NEBL: variants seen among roughly 807,000 people sequenced by gnomAD.
NEBL encodes the protein nebulette, also known as LIM and SH3 protein 2.
A neutral mutation model predicts 140.2 loss-of-function variants in NEBL; 122 were observed. The observed-to-expected ratio is 0.87, with a 90% CI of 0.75 to 1.01. The LOEUF is 1.01. NEBL is among the 50% of genes least tolerant of loss of function. The probability of loss-of-function intolerance (pLI) is 0.00; values close to 1 mark genes in which losing one functional copy is unlikely to be tolerated. For missense variants in NEBL, 1,365 were observed against 1,231.3 expected (o/e 1.11, Z -1.62); for synonymous variants, 436 against 398.9 (o/e 1.09, Z -1.11).
intron 26 of NEBL, among the ~76,000 whole-genome samples, chr10:20,795,458 CAAATA>C (rs1836414203): frequency 6.6e-6 from 1 of 152,098 alleles, no homozygotes; most frequent in South Asian, 2.1e-4. Context: ...AAAGCAAACT[CAAATA>C]AAGTAGCATC....
intron 3 of NEBL, among the ~76,000 whole-genome samples, chr10:21,185,364 A>T (rs1841447883): frequency 6.6e-6 from 1 of 151,470 alleles, no homozygotes; most frequent in South Asian, 2.1e-4. Flanking sequence ...CATTTCTGGA[A>T]CTCCTGGGGG....
At chr10:21,030,555 C>A in intron 2 of NEBL, 1 of 749,410 alleles carries the variant, frequency 1.3e-6, no homozygotes, top group Non-Finnish European at 2.3e-6. Flanking sequence ...CATCTCAGAG[C>A]TCAGACACAC....
At chr10:20,980,824 T>C (rs1049039218) in intron 3 of NEBL, among the ~76,000 whole-genome samples, 5 of 152,260 alleles carry the variant, frequency 3.3e-5, no homozygotes, top group African/African-American at 1.2e-4. Flanking sequence ...TGAATCATCT[T>C]ATAAACAAAG....
chr10:20,850,258 C>A, intron 11 of NEBL, 137 bp downstream of exon 11: 1 of 699,678 alleles, frequency 1.4e-6, no homozygotes, highest in East Asian at 2.7e-5. Flanking sequence ...CAGTGGGTGG[C>A]TGGGTCTAGA....
At chr10:21,165,604 C>A (rs1016803907) in intron 2 of NEBL, among the ~76,000 whole-genome samples, 3 of 152,222 alleles carry the variant, frequency 2.0e-5, no homozygotes, top group African/African-American at 7.2e-5. Flanking sequence ...TCATCTACGG[C>A]CATACCACCC....
At chr10:20,909,034 G>A (rs943911215) in intron 4 of NEBL, among the ~76,000 whole-genome samples, 1 of 151,746 alleles carries the variant, frequency 6.6e-6, no homozygotes, top group African/African-American at 2.4e-5. Context: ...TACACAGTAG[G>A]TATATATATT....
chr10:20,831,477 C>T lies in NEBL; in HGVS notation c.1556G>A (p.Ser519Asn), dbSNP rs778105552. The T allele has an allele frequency of 6.2e-7, 1 of 1,603,922 alleles. No homozygotes were observed. Among genetic ancestry groups the T allele is most frequent in the African/African-American group, 1.3e-5 (1 of 74,362 alleles). Residue 519 changes from serine (S) to asparagine (N), a missense_variant, in exon 15 of 28, where the codon AGC becomes AAC. By Grantham distance (46) the Ser-to-Asn change is conservative. Coordinates refer to ENST00000377122, the MANE Select transcript of NEBL (RefSeq NM_006393.3). Reference sequence around the variant, plus strand: ...TGTATCTTGCTGCTGTCTTACCTGGCTGGCCATCTCGGATGCTTTCTTAGC... The same window carrying T: ...TGTATCTTGCTGCTGTCTTACCTGGTTGGCCATCTCGGATGCTTTCTTAGC... ...QRAKKASEMA[S>N]QKQYKKDLEN...
chr10:21,080,754 T>C (rs1190603439), intron 2 of NEBL, among the ~76,000 whole-genome samples: 1 of 152,344 alleles, frequency 6.6e-6, no homozygotes, highest in Middle Eastern at 3.4e-3. Context: ...GCAACTTTGA[T>C]GGAATGATTA....
chr10:20,939,863 T>C (rs1267200817), intron 4 of NEBL, among the ~76,000 whole-genome samples: 1 of 152,092 alleles, frequency 6.6e-6, no homozygotes, highest in Non-Finnish European at 1.5e-5. Flanking sequence ...GGTAAAGGGA[T>C]CAATTCAACA....
At chr10:21,082,535 T>TAAGAAAAA (rs1836420773) in intron 2 of NEBL, among the ~76,000 whole-genome samples, 1 of 117,306 alleles carries the variant, frequency 8.5e-6, no homozygotes, top group Non-Finnish European at 1.7e-5. Context: ...CCACCACCAC[T>TAAGAAAAA]AAAAAAAAAA....
At chr10:20,853,946 A>G (rs1431127979) in intron 9 of NEBL, among the ~76,000 whole-genome samples, 1 of 152,250 alleles carries the variant, frequency 6.6e-6, no homozygotes, top group African/African-American at 2.4e-5. Context: ...TACCTCAATT[A>G]TCCTAATTTG....
At chr10:21,194,825 C>G (rs1841624599) in intron 3 of NEBL, among the ~76,000 whole-genome samples, 1 of 151,982 alleles carries the variant, frequency 6.6e-6, no homozygotes, top group South Asian at 2.1e-4. Flanking sequence ...ACCCCCACCC[C>G]CTGCCGCAAA....
chr10:20,962,224 C>T lies in NEBL; in HGVS notation c.250-445G>A, dbSNP rs184232415. Among the ~76,000 whole-genome samples the T allele has an allele frequency of 9.2e-5, 14 of 152,258 alleles. No individual in the cohort carries two copies. The East Asian group carries it at 2.3e-3, about 25-fold the overall frequency. ...CTAAATCTTCTTCTCCTCCTGTGCC[C>T]GCCTGTCAGTGAAAAAGCCTCATTT... On this transcript the variant is annotated intron_variant, in intron 3 of 6. Coordinates refer to the NEBL transcript ENST00000417816.
intron 3 of NEBL, among the ~76,000 whole-genome samples, chr10:20,982,034 TC>T (rs1790494625): frequency 6.6e-6 from 1 of 152,224 alleles, no homozygotes; most frequent in South Asian, 2.1e-4. Flanking sequence ...TTTAGAGTCT[TC>T]CAGATTACAT....
chr10:21,285,898 C>T (rs1425815122), intron 1 of NEBL, among the ~76,000 whole-genome samples: 2 of 152,224 alleles, frequency 1.3e-5, no homozygotes, highest in Non-Finnish European at 2.9e-5. Context: ...CCCCGGACCC[C>T]ACACCCTGTG....
intron 2 of NEBL, among the ~76,000 whole-genome samples, chr10:21,056,960 G>A (rs1543829): frequency 0.39 from 59,665 of 151,814 alleles, 11,806 homozygotes; most frequent in Middle Eastern, 0.47. Flanking sequence ...TCTTTAAACT[G>A]TGCATTCAAT....
chr10:20,824,563 A>T (rs1049957055), intron 18 of NEBL, among the ~76,000 whole-genome samples: 2 of 152,230 alleles, frequency 1.3e-5, no homozygotes, highest in African/African-American at 4.8e-5. Context: ...ATGTTAGAGA[A>T]TCATATCTTG....
At chr10:20,797,704 G>A (rs764158291) in intron 26 of NEBL, among the ~76,000 whole-genome samples, 3 of 152,136 alleles carry the variant, frequency 2.0e-5, no homozygotes, top group Non-Finnish European at 4.4e-5. Flanking sequence ...GCACACAATC[G>A]TAAGGATAGT....
intron 3 of NEBL, among the ~76,000 whole-genome samples, chr10:21,245,713 T>C (rs1014548574): frequency 6.6e-6 from 1 of 151,914 alleles, no homozygotes; most frequent in African/African-American, 2.4e-5. Flanking sequence ...TTGTATTAGC[T>C]GGGCATGGAG....
Sources: gnomAD v4.1 joint callset for allele counts (sites outside exome capture counted in the v4.1 genomes callset) on GRCh38, gnomAD v4.1.1 for gene constraint, MANE v1.5 for transcripts, NCBI Gene and HGNC (gene_info 2026-07-23, HGNC 2026-07-21) for gene names.